KIF18B: variants seen among roughly 807,000 people sequenced by gnomAD.
KIF18B encodes the protein kinesin family member 18B.
KIF18B carries 49 observed loss-of-function variants against 80.9 expected under a neutral mutation model. That is an observed-to-expected ratio of 0.61 (90% CI 0.48 to 0.77). KIF18B has a LOEUF of 0.77. Among genes scored for constraint, KIF18B ranks in the 30% least tolerant of loss-of-function variants. The probability of loss-of-function intolerance (pLI) is 0.00; values close to 1 mark genes in which losing one functional copy is unlikely to be tolerated. For missense variants in KIF18B, 994 were observed against 1,127.7 expected, an observed-to-expected ratio of 0.88 and a Z score of 1.70; for synonymous variants, 439 against 463.9, an observed-to-expected ratio of 0.95 and a Z score of 0.69.
In KIF18B at chr17:44,925,035, C is replaced by T. The variant is rs2051996436; in HGVS notation, c.*1045G>A. 1 of 152,142 alleles carries T rather than the reference C, an allele frequency of 6.6e-6. No individual in the cohort carries two copies. The highest frequency in any genetic ancestry group is 6.5e-5 in the Admixed American group (1 of 15,278). The allele number at this position is 152,142 out of a possible 1,614,324, so 9.4% of individuals were successfully genotyped here. The stretch of plus-strand genomic sequence containing the variant: ...AACCAGGAAGAGCCAAGCCGCGACT[C>T]CCCGCTCCCCAACCCATCCTCATTC... On this transcript the variant is annotated 3_prime_UTR_variant, in exon 16 of 16. Coordinates refer to ENST00000593135, the MANE Select transcript of KIF18B (RefSeq NM_001265577.2).
At position 44,928,404 on chromosome 17, in the gene KIF18B, C is replaced by T. The variant is rs763790347; in HGVS notation, c.1898G>A (p.Ser633Asn). ...WPMEKKRRRP[S>N]ALEADSPMAP... ...CATGGGACTGTCTGCCTCCAAGGCG[C>T]TTGGTCTCCTCCTCTTCTTCTCCAT... Residue 633 changes from serine (S) to asparagine (N), a missense_variant, in exon 13 of 16, where the codon AGC (serine) becomes AAC (asparagine). Physicochemically the swap from Ser to Asn is conservative, Grantham distance 46. Coordinates refer to ENST00000593135, the MANE Select transcript of KIF18B (RefSeq NM_001265577.2). The T allele has an allele frequency of 6.5e-5, 101 of 1,554,552 alleles. No individual in the cohort carries two copies. The highest frequency in any genetic ancestry group is 8.2e-5 in the Non-Finnish European group (95 of 1,153,706).
chr17:44,927,905 G>A lies in KIF18B; in HGVS notation c.2276+121C>T. 1 of 891,556 alleles carries A rather than the reference G, an allele frequency of 1.1e-6. No individual in the cohort carries two copies. Among genetic ancestry groups the A allele is most frequent in the Non-Finnish European group, 1.6e-6 (1 of 628,194 alleles). The allele number at this position is 891,556 out of a possible 1,614,324, so 55.2% of individuals were successfully genotyped here. On this transcript the variant is annotated intron_variant, in intron 13 of 15. Transcript: ENST00000593135. This position sits in a 1 kb window ranked among gnomAD's most constrained non-coding sequence, Gnocchi z 4.1. ...GAGCAAAGCGGATCACAACCAAAGT[G>A]GAACAGATAGGAACCGTCCCAGCTC...
chr17:44,935,112 A>G, intron 3 of KIF18B, 147 bp downstream of exon 3: 1 of 934,486 alleles, frequency 1.1e-6, no homozygotes, highest in South Asian at 1.8e-5. Flanking sequence ...TCTCTAGTGC[A>G]GCATCTCACT....
chr17:44,933,047 C>A, intron 7 of KIF18B, 61 bp from the exon 8 acceptor site: 1 of 1,495,074 alleles, frequency 6.7e-7, no homozygotes, highest in Non-Finnish European at 9.2e-7. Flanking sequence ...TATCAGCCAC[C>A]GCCGATGGCC....
intron 11 of KIF18B, among the ~76,000 whole-genome samples, chr17:44,930,098 C>A (rs905684043): frequency 6.6e-6 from 1 of 152,192 alleles, no homozygotes; most frequent in Non-Finnish European, 1.5e-5. Flanking sequence ...TTTTATAAAG[C>A]AGCCTCAAGG....
intron 15 of KIF18B, 109 bp from the exon 16 acceptor site, chr17:44,926,295 G>A: frequency 2.5e-6 from 4 of 1,573,220 alleles, no homozygotes; most frequent in Non-Finnish European, 1.7e-6. Flanking sequence ...GCATCCCTGA[G>A]ATGCTTGGCA....
chr17:44,944,391 T>C (rs1441403162), intron 1 of KIF18B, among the ~76,000 whole-genome samples: 1 of 151,998 alleles, frequency 6.6e-6, no homozygotes, highest in Admixed American at 6.6e-5. Context: ...TACAGGTGCC[T>C]GCCACCATGC....
chr17:44,938,597 A>T (rs944983853), intron 1 of KIF18B, among the ~76,000 whole-genome samples: 2 of 151,752 alleles, frequency 1.3e-5, no homozygotes, highest in Admixed American at 6.6e-5. Flanking sequence ...TGGAGATGGA[A>T]TTTTTTTTGT....
At position 44,926,403 on chromosome 17, in the gene KIF18B, G is replaced by C; in HGVS notation, c.2452+11C>G. On this transcript the variant is annotated intron_variant, in intron 15 of 15. Transcript: ENST00000593135. ...ATGGCCCAGGCTATCCCTGTCCCTAGTGCCAGTCACCTGGGAGTACAAGGG... is the reference window on the plus strand; with the variant it reads ...ATGGCCCAGGCTATCCCTGTCCCTACTGCCAGTCACCTGGGAGTACAAGGG... 4 of 1,565,598 alleles carry C rather than the reference G, an allele frequency of 2.6e-6. No individual in the cohort carries two copies. The highest frequency in any genetic ancestry group is 3.3e-4 in the Middle Eastern group (2 of 6,012).
chr17:44,937,925 G>A (rs2052340014), intron 1 of KIF18B, among the ~76,000 whole-genome samples: 1 of 150,984 alleles, frequency 6.6e-6, no homozygotes, highest in Non-Finnish European at 1.5e-5. Flanking sequence ...TTTTACTTGG[G>A]GTTATTGTTA....
intron 1 of KIF18B, among the ~76,000 whole-genome samples, chr17:44,943,168 C>T (rs2052450016): frequency 6.6e-6 from 1 of 152,040 alleles, no homozygotes; most frequent in Non-Finnish European, 1.5e-5. Flanking sequence ...GGCGCCATCT[C>T]GGCTCACTGC....
chr17:44,934,818 C>A lies in KIF18B; in HGVS notation c.576+13G>T. 1.3e-6 allele frequency: 2 copies of A among 1,529,052 alleles called. No individual in the cohort carries two copies. The highest frequency in any genetic ancestry group is 2.8e-5 in the African/African-American group (2 of 72,692). 94.7% of individuals were successfully genotyped at this position (1,529,052 alleles called of 1,614,324 possible). A position where few individuals can be genotyped will look rare whatever the true frequency, so the allele number is the denominator to read the frequency against. On this transcript the variant is annotated intron_variant, in intron 4 of 15. Transcript: ENST00000593135. The surrounding 1 kb of genome is among the most constrained non-coding windows in gnomAD (Gnocchi z 5.4). ...CATGGGGCCGATCATCCTACCCGAG[C>A]CCAATCCCACACCTGGTGGAAAGAA...
chr17:44,939,366 CAAAAAAAA>C (rs781348504), intron 1 of KIF18B, among the ~76,000 whole-genome samples: 5 of 36,950 alleles, frequency 1.4e-4, no homozygotes, highest in East Asian at 9.9e-4. Context: ...GACTCCATCT[CAAAAAAAA>C]AAAAAAAAAA....
At chr17:44,937,139 C>T (rs2052327614) in intron 1 of KIF18B, among the ~76,000 whole-genome samples, 1 of 151,592 alleles carries the variant, frequency 6.6e-6, no homozygotes, top group South Asian at 2.1e-4. Flanking sequence ...CTCTTCATTA[C>T]TCTTTCTTTT....
chr17:44,933,232 G>C (rs1179635908), intron 7 of KIF18B, among the ~76,000 whole-genome samples: 1 of 152,058 alleles, frequency 6.6e-6, no homozygotes, highest in Non-Finnish European at 1.5e-5. Context: ...TCCCAGGAGA[G>C]CCAGGGCTCC....
At chr17:44,938,821 G>A (rs2052360195) in intron 1 of KIF18B, among the ~76,000 whole-genome samples, 1 of 152,010 alleles carries the variant, frequency 6.6e-6, no homozygotes, top group South Asian at 2.1e-4. Flanking sequence ...AAGGTGGGCG[G>A]ATCATCTGAG....
intron 11 of KIF18B, 41 bp downstream of exon 11, chr17:44,931,561 C>T (rs2052146500): frequency 6.2e-7 from 1 of 1,613,478 alleles, no homozygotes; most frequent in Non-Finnish European, 8.5e-7. Context: ...GAGCCCATTG[C>T]TTCCCACCTT....
chr17:44,927,353 C>T lies in KIF18B; in HGVS notation c.2277-275G>A, dbSNP rs1050155503. Among the ~76,000 whole-genome samples the T allele has an allele frequency of 1.3e-5, 2 of 152,198 alleles. No individual in the cohort carries two copies. The highest frequency in any genetic ancestry group is 2.9e-5 in the Non-Finnish European group (2 of 68,032). ...ACCCTTCCACCTGCCCAGCTCTGCG[C>T]TTGTTACCGAGAGCTGCTTCTCGGG... On this transcript the variant is annotated intron_variant, in intron 13 of 15. Coordinates refer to ENST00000593135, the MANE Select transcript of KIF18B (RefSeq NM_001265577.2). This position sits in a 1 kb window ranked among gnomAD's most constrained non-coding sequence, Gnocchi z 4.1.
Position 44,934,106 on chromosome 17 carries a change from G to T in KIF18B, c.886-7C>A. 2 of 1,611,996 alleles carry T rather than the reference G, an allele frequency of 1.2e-6. No homozygotes were observed. Among genetic ancestry groups the T allele is most frequent in the Non-Finnish European group, 1.7e-6 (2 of 1,179,184 alleles). ...GCACATGGGTCTTGCGGCCCTGGGG[G>T]GCAGTAAGCAGGTGTGGGGTGAGGC... On this transcript the variant is annotated splice_region_variant and splice_polypyrimidine_tract_variant and intron_variant, in intron 6 of 15. Transcript: ENST00000593135. This position sits in a 1 kb window ranked among gnomAD's most constrained non-coding sequence, Gnocchi z 5.4.
Sources: gnomAD v4.1 joint callset for allele counts (sites outside exome capture counted in the v4.1 genomes callset) on GRCh38, gnomAD v4.1.1 for gene constraint, Gnocchi (gnomAD v3.1) non-coding constraint, MANE v1.5 for transcripts, NCBI Gene and HGNC (gene_info 2026-07-23, HGNC 2026-07-21) for gene names.